Variants in TTC28 observed in about 807,000 individuals in gnomAD.
TTC28 encodes tetratricopeptide repeat protein 28.
TTC28 carries 61 observed loss-of-function variants against 198.0 expected under a neutral mutation model. The ratio of observed to expected loss-of-function variants is 0.31; its 90% CI spans 0.25 to 0.38. The LOEUF is 0.38. Ranked by LOEUF, TTC28 falls within the 10% of genes least tolerant of loss-of-function variation. The pLI, the probability that TTC28 is intolerant of heterozygous loss-of-function variation, is 1.00. For synonymous variants in TTC28, 1,171 were observed against 1,297.8 expected (o/e 0.90, Z 2.10); for missense variants, 2,678 against 3,164.0 (o/e 0.85, Z 3.69).
intron 14 of TTC28, among the ~76,000 whole-genome samples, chr22:28,013,602 A>G (rs1601516818): frequency 1.3e-5 from 2 of 152,172 alleles, no homozygotes; most frequent in African/African-American, 4.8e-5. Context: ...CTGAGACTCC[A>G]TCTCACCAGA....
intron 6 of TTC28, among the ~76,000 whole-genome samples, chr22:28,136,557 T>G (rs1943204432): frequency 6.6e-6 from 1 of 152,190 alleles, no homozygotes; most frequent in Non-Finnish European, 1.5e-5. Flanking sequence ...AAAGCTGAAC[T>G]CAAGTTGTCC....
chr22:28,540,861 C>T (rs2145930934), intron 2 of TTC28, among the ~76,000 whole-genome samples: 1 of 152,258 alleles, frequency 6.6e-6, no homozygotes, highest in Non-Finnish European at 1.5e-5. Flanking sequence ...TAAAACTACA[C>T]ATAAGTCAAT....
At chr22:28,097,676 C>T (rs1430849810) in intron 10 of TTC28, among the ~76,000 whole-genome samples, 1 of 152,174 alleles carries the variant, frequency 6.6e-6, no homozygotes, top group Non-Finnish European at 1.5e-5. Context: ...TAACCAGAGT[C>T]CAAAGAAAGC....
chr22:28,436,590 G>A (rs1015522249), intron 2 of TTC28, among the ~76,000 whole-genome samples: 8 of 152,204 alleles, frequency 5.3e-5, no homozygotes, highest in African/African-American at 1.7e-4. Context: ...GAAACTTAGT[G>A]AGCCATGTCC....
intron 2 of TTC28, among the ~76,000 whole-genome samples, chr22:28,431,506 A>C (rs935945045): frequency 6.6e-6 from 1 of 152,246 alleles, no homozygotes; most frequent in Non-Finnish European, 1.5e-5. Flanking sequence ...GGTCAATATA[A>C]ATAGTAACTC....
At chr22:28,282,904 CAT>C (rs2044611916) in intron 5 of TTC28, among the ~76,000 whole-genome samples, 1 of 152,122 alleles carries the variant, frequency 6.6e-6, no homozygotes, top group South Asian at 2.1e-4. Context: ...ATACATTATA[CAT>C]ATATATACAT....
intron 2 of TTC28, among the ~76,000 whole-genome samples, chr22:28,371,598 A>ATTTTTTTTTT (rs1409625873): frequency 0.03 from 838 of 27,714 alleles, 286 homozygotes; most frequent in African/African-American, 0.041. Flanking sequence ...AAAAAAAAAA[A>ATTTTTTTTTT]TTTTTTTTTT....
chr22:28,130,127 C>T (rs147580950), intron 6 of TTC28, among the ~76,000 whole-genome samples: 1 of 152,292 alleles, frequency 6.6e-6, no homozygotes, highest in East Asian at 1.9e-4. Flanking sequence ...AATCAGATAT[C>T]CTATATGGAA....
intron 5 of TTC28, among the ~76,000 whole-genome samples, chr22:28,216,278 T>C (rs1205920861): frequency 1.3e-5 from 2 of 152,174 alleles, no homozygotes; most frequent in East Asian, 3.9e-4. Context: ...GTCCATATCA[T>C]CAGGGCATGA....
chr22:28,431,390 A>G (rs2047427188), intron 2 of TTC28, among the ~76,000 whole-genome samples: 4 of 152,206 alleles, frequency 2.6e-5, no homozygotes, highest in Admixed American at 2.6e-4. Context: ...CTCTAAACAA[A>G]TATCTGGTTT....
Position 28,604,108 on chromosome 22 carries a change from T to C in TTC28, c.381+25444A>G, listed in dbSNP as rs1193831668. On this transcript the variant is annotated intron_variant, in intron 2 of 22. Coordinates refer to ENST00000397906, the MANE Select transcript of TTC28 (RefSeq NM_001145418.2). The stretch of plus-strand genomic sequence containing the variant: ...GCCTGGCCAACGTGGCGAAACCCCA[T>C]CTCTACTAAAAATACAAAAATTAGC... 6.6e-5 allele frequency among the ~76,000 whole-genome samples: 10 copies of C among 151,372 alleles called. No individual in the cohort carries two copies. The East Asian group carries it at 2.0e-3, about 30-fold the overall frequency.
At chr22:28,480,325 C>A (rs35507981) in intron 2 of TTC28, among the ~76,000 whole-genome samples, 7,359 of 152,182 alleles carry the variant, frequency 0.048, 254 homozygotes, top group African/African-American at 0.094. Flanking sequence ...AGGTTCCATG[C>A]CAACTATCTT....
chr22:28,451,635 G>C (rs1158933579), intron 2 of TTC28, among the ~76,000 whole-genome samples: 2 of 152,184 alleles, frequency 1.3e-5, no homozygotes, highest in Non-Finnish European at 2.9e-5. Context: ...TTCACTAAAA[G>C]TCACAGTTTC....
intron 1 of TTC28, among the ~76,000 whole-genome samples, chr22:28,660,542 T>A (rs1046963031): frequency 1.3e-5 from 2 of 152,072 alleles, no homozygotes; most frequent in Non-Finnish European, 2.9e-5. Flanking sequence ...TTTGGTTTTT[T>A]GAGATGGAGT....
intron 12 of TTC28, among the ~76,000 whole-genome samples, chr22:28,088,990 C>G (rs927552778): frequency 6.6e-6 from 1 of 152,100 alleles, no homozygotes; most frequent in African/African-American, 2.4e-5. Flanking sequence ...GTTAGAATGG[C>G]AATCATTAAA....
chr22:28,371,685 C>T (rs1225408353), intron 2 of TTC28, among the ~76,000 whole-genome samples: 1 of 132,044 alleles, frequency 7.6e-6, no homozygotes, highest in African/African-American at 2.8e-5. Flanking sequence ...CAGGTTCAAG[C>T]GATTCTCTGC....
chr22:28,465,687 A>G (rs1029521916), intron 2 of TTC28, among the ~76,000 whole-genome samples: 2 of 152,214 alleles, frequency 1.3e-5, no homozygotes, highest in Non-Finnish European at 2.9e-5. Context: ...GGTCCTAAAT[A>G]ATTCAAAGTA....
intron 6 of TTC28, among the ~76,000 whole-genome samples, chr22:28,135,298 T>C (rs960454464): frequency 3.3e-5 from 5 of 152,202 alleles, no homozygotes; most frequent in Non-Finnish European, 7.4e-5. Flanking sequence ...GGTTCTCTTT[T>C]ATGGGTAAGA....
At chr22:28,392,672 A>C (rs550147680) in intron 2 of TTC28, among the ~76,000 whole-genome samples, 3 of 152,208 alleles carry the variant, frequency 2.0e-5, no homozygotes, top group East Asian at 1.9e-4. Flanking sequence ...GCGCTTCCCG[A>C]GTGAGGCAAT....
Sources: gnomAD v4.1 joint callset for allele counts (sites outside exome capture counted in the v4.1 genomes callset) on GRCh38, gnomAD v4.1.1 for gene constraint, MANE v1.5 for transcripts, NCBI Gene and HGNC (gene_info 2026-07-23, HGNC 2026-07-21) for gene names.